Variants in GSK3B observed in about 807,000 individuals in gnomAD.
The protein encoded by GSK3B is glycogen synthase kinase 3 beta.
GSK3B carries 15 observed loss-of-function variants against 56.4 expected under a neutral mutation model. The observed-to-expected ratio is 0.27, with a 90% CI of 0.18 to 0.41. The LOEUF (loss-of-function observed/expected upper bound fraction) is 0.41, where lower values mean the gene tolerates loss of function less well. GSK3B is among the 10% of genes least tolerant of loss of function. GSK3B has a pLI of 1.00. For missense variants in GSK3B, 300 were observed against 513.4 expected, an observed-to-expected ratio of 0.58 and a Z score of 4.02; for synonymous variants, 181 against 188.9, an observed-to-expected ratio of 0.96 and a Z score of 0.34.
intron 1 of GSK3B, among the ~76,000 whole-genome samples, chr3:120,007,981 CTG>C (rs956773076): frequency 1.6e-4 from 24 of 150,978 alleles, no homozygotes; most frequent in African/African-American, 5.3e-4. Flanking sequence ...CAAATTGTCT[CTG>C]TTTGACGTCT....
At chr3:119,946,256 C>A (rs1018050016) in intron 3 of GSK3B, among the ~76,000 whole-genome samples, 9 of 151,838 alleles carry the variant, frequency 5.9e-5, no homozygotes, top group African/African-American at 2.2e-4. Flanking sequence ...ATATAATAGG[C>A]ACTGTAATGT....
intron 1 of GSK3B, among the ~76,000 whole-genome samples, chr3:120,019,809 A>T (rs2057857545): frequency 6.6e-6 from 1 of 152,244 alleles, no homozygotes; most frequent in Non-Finnish European, 1.5e-5. Context: ...AAAATTTTTC[A>T]AAACTAATTC....
chr3:119,931,222 T>C (rs1263460411), intron 3 of GSK3B, among the ~76,000 whole-genome samples: 2 of 152,230 alleles, frequency 1.3e-5, no homozygotes, highest in African/African-American at 2.4e-5. Flanking sequence ...CTAGCACTCG[T>C]AATTTTCTGA....
In GSK3B at chr3:119,825,893, C is replaced by G. The variant is rs77368793; in HGVS notation, c.*895G>C. 0.012 allele frequency: 2,720 copies of G among 217,932 alleles called. 68 individuals are homozygous for G. Among genetic ancestry groups the G allele is most frequent in the African/African-American group, 0.056 (2,497 of 44,518 alleles). 13.5% of individuals were successfully genotyped at this position (217,932 alleles called of 1,614,324 possible). ...TGGTGAGATGTATCCCTGACCTGTC[C>G]CCTTCCTCTGGGCTCATCAGCCTTT... On this transcript the variant is annotated 3_prime_UTR_variant, in exon 11 of 11. Coordinates refer to ENST00000264235, the MANE Select transcript of GSK3B (RefSeq NM_001146156.2).
chr3:119,842,593 T>C (rs752297286), intron 10 of GSK3B, among the ~76,000 whole-genome samples: 26 of 152,212 alleles, frequency 1.7e-4, no homozygotes, highest in Admixed American at 3.9e-4. Context: ...CTATTGAAAT[T>C]ATGTAAAAAC....
chr3:120,077,709 C>G (rs755259862), intron 1 of GSK3B, among the ~76,000 whole-genome samples: 27 of 152,070 alleles, frequency 1.8e-4, no homozygotes, highest in Admixed American at 4.6e-4. Context: ...TCTTTTACTA[C>G]AGTAGCCATT....
chr3:120,004,015 T>C (rs931974414), intron 1 of GSK3B, among the ~76,000 whole-genome samples: 4 of 152,338 alleles, frequency 2.6e-5, no homozygotes, highest in Admixed American at 1.3e-4. Flanking sequence ...TGAGTGGCTG[T>C]ACCTGGAGGA....
At chr3:120,040,137 C>A (rs774845261) in intron 1 of GSK3B, among the ~76,000 whole-genome samples, 1 of 152,214 alleles carries the variant, frequency 6.6e-6, no homozygotes, top group Non-Finnish European at 1.5e-5. Context: ...GCAGGGGCGA[C>A]AAAGTATTTC....
intron 1 of GSK3B, among the ~76,000 whole-genome samples, chr3:120,024,525 A>C (rs896812199): frequency 1.3e-5 from 2 of 152,320 alleles, no homozygotes; most frequent in South Asian, 2.1e-4. Flanking sequence ...ACGTACACAT[A>C]TCTCTCTTCT....
chr3:120,075,884 A>G (rs894377998), intron 1 of GSK3B, among the ~76,000 whole-genome samples: 1 of 152,166 alleles, frequency 6.6e-6, no homozygotes, highest in African/African-American at 2.4e-5. Context: ...CAATCCTAAA[A>G]TTCACATGGA....
intron 10 of GSK3B, chr3:119,832,890 T>A: frequency 1.6e-6 from 1 of 642,956 alleles, no homozygotes; most frequent in Non-Finnish European, 1.9e-6. Context: ...AATTTTCATA[T>A]GTAAAATTCT....
At chr3:119,911,473 A>G (rs2056733972) in intron 6 of GSK3B, among the ~76,000 whole-genome samples, 1 of 152,144 alleles carries the variant, frequency 6.6e-6, no homozygotes, top group Non-Finnish European at 1.5e-5. Context: ...AGGCCCTCAC[A>G]AGAGAGTCAA....
chr3:119,982,073 C>G (rs1449593591), intron 2 of GSK3B, among the ~76,000 whole-genome samples: 1 of 152,174 alleles, frequency 6.6e-6, no homozygotes, highest in African/African-American at 2.4e-5. Context: ...CACAGGCAAC[C>G]AGGGTCTGGA....
chr3:120,050,252 C>A (rs1220190667), intron 1 of GSK3B, among the ~76,000 whole-genome samples: 1 of 152,184 alleles, frequency 6.6e-6, no homozygotes, highest in East Asian at 1.9e-4. Context: ...GGATCCACCC[C>A]CCATGAAACA....
chr3:120,032,357 C>T (rs2057983845), intron 1 of GSK3B, among the ~76,000 whole-genome samples: 1 of 152,024 alleles, frequency 6.6e-6, no homozygotes, highest in African/African-American at 2.4e-5. Context: ...CACCTGTAAT[C>T]CCAGCTACTC....
rs1577295095 is a variant in GSK3B at position 119,824,939 on chromosome 3, G to A, written c.*1849C>T. On this transcript the variant is annotated 3_prime_UTR_variant, in exon 11 of 11. Coordinates refer to ENST00000264235, the MANE Select transcript of GSK3B (RefSeq NM_001146156.2). The stretch of plus-strand genomic sequence containing the variant: ...GGGTGCTAGGGCCTGCAGGAGGGCT[G>A]CCAACAGACTCCACTTCCGAACCCT... 1 of 181,364 alleles carries A rather than the reference G, an allele frequency of 5.5e-6. No homozygotes were observed. Among genetic ancestry groups the A allele is most frequent in the Non-Finnish European group, 1.2e-5 (1 of 84,954 alleles). The allele number at this position is 181,364 out of a possible 1,614,324, so 11.2% of individuals were successfully genotyped here.
chr3:120,086,270 T>C (rs936678576), intron 1 of GSK3B, among the ~76,000 whole-genome samples: 1 of 151,258 alleles, frequency 6.6e-6, no homozygotes, highest in Non-Finnish European at 1.5e-5. Flanking sequence ...TTAATAAATG[T>C]AGATGGACAA....
chr3:119,955,234 T>C, intron 2 of GSK3B, among the ~76,000 whole-genome samples: 1 of 126,602 alleles, frequency 7.9e-6, no homozygotes, highest in East Asian at 2.3e-4. Flanking sequence ...AACCAACAGC[T>C]AAAAAAAAAA....
At chr3:119,974,989 G>C (rs1352537491) in intron 2 of GSK3B, among the ~76,000 whole-genome samples, 1 of 152,130 alleles carries the variant, frequency 6.6e-6, no homozygotes, top group Non-Finnish European at 1.5e-5. Flanking sequence ...TACTCAAATG[G>C]ACTGAAAATA....
Sources: gnomAD v4.1 joint callset for allele counts (sites outside exome capture counted in the v4.1 genomes callset) on GRCh38, gnomAD v4.1.1 for gene constraint, MANE v1.5 for transcripts, NCBI Gene and HGNC (gene_info 2026-07-23, HGNC 2026-07-21) for gene names.